The following GATM variants were observed in gnomAD, a reference collection of about 807,000 sequenced individuals.
GATM encodes glycine amidinotransferase, mitochondrial.
In GATM, 23 loss-of-function variants were observed where a neutral mutation model predicts 54.2. That is an observed-to-expected ratio of 0.42 (90% CI 0.31 to 0.60). The LOEUF (loss-of-function observed/expected upper bound fraction) is 0.60, where lower values mean the gene tolerates loss of function less well. GATM is among the 20% of genes least tolerant of loss of function. GATM has a pLI of 0.14. For synonymous variants in GATM, 168 were observed against 183.1 expected, an observed-to-expected ratio of 0.92 and a Z score of 0.67; for missense variants, 401 against 544.9, an observed-to-expected ratio of 0.74 and a Z score of 2.63.
At chr15:45,363,174 C>T (rs1280306770) in intron 8 of GATM, among the ~76,000 whole-genome samples, 3 of 151,910 alleles carry the variant, frequency 2.0e-5, no homozygotes, top group African/African-American at 7.3e-5. Flanking sequence ...CAGGAGGCTG[C>T]GGCAGGAGAA....
At chr15:45,382,566 G>C (rs543430383), upstream of GATM, among the ~76,000 whole-genome samples, 1 of 152,052 alleles carries the variant, frequency 6.6e-6, no homozygotes, top group Non-Finnish European at 1.5e-5. Flanking sequence ...GGAGGTTGAG[G>C]CAGGAGAATT....
At chr15:45,377,304 G>C in intron 1 of GATM, 1 of 450,624 alleles carries the variant, frequency 2.2e-6, no homozygotes, top group Non-Finnish European at 4.4e-6. Flanking sequence ...GAAAAGTTGG[G>C]AACATTTGTA....
At chr15:45,371,426 A>T (rs1889542632) in intron 2 of GATM, among the ~76,000 whole-genome samples, 1 of 152,246 alleles carries the variant, frequency 6.6e-6, no homozygotes, top group Non-Finnish European at 1.5e-5. Context: ...ACTAGTCCTG[A>T]TCATGTCAGA....
intron 1 of GATM, chr15:45,377,454 T>TA (rs1408694139): frequency 2.8e-6 from 1 of 357,812 alleles, no homozygotes; most frequent in Non-Finnish European, 5.4e-6. Flanking sequence ...CACAGTACCC[T>TA]AGCCAAGGTC....
rs1460902723 is a variant in GATM, at chr15:45,366,092, A to G, written c.932T>C (p.Ile311Thr). Reference protein sequence around the residue: ...PMHIDATFNIIGPGIVLSNPD... With the variant: ...PMHIDATFNITGPGIVLSNPD... Reference sequence around the variant, plus strand: ...GTTGGAAAGCACAATACCAGGTCCAATGATGTTGAAGGTAGCATCAATATG... The same window carrying G: ...GTTGGAAAGCACAATACCAGGTCCAGTGATGTTGAAGGTAGCATCAATATG... Residue 311 changes from isoleucine (I) to threonine (T), a missense_variant, in exon 6 of 9, where the codon ATT becomes ACT. Transcript: ENST00000396659. 18 of 1,614,176 alleles carry G rather than the reference A, an allele frequency of 1.1e-5. No individual in the cohort carries two copies. Among genetic ancestry groups the G allele is most frequent in the Admixed American group, 1.7e-5 (1 of 60,022 alleles).
intron 8 of GATM, 144 bp downstream of exon 8, chr15:45,363,756 T>G: frequency 1.5e-6 from 1 of 657,916 alleles, no homozygotes; most frequent in Admixed American, 2.3e-5. Context: ...AATACTGACT[T>G]TCTGTGAAAT....
At chr15:45,374,797 A>C (rs1001237748) in intron 2 of GATM, among the ~76,000 whole-genome samples, 5 of 152,242 alleles carry the variant, frequency 3.3e-5, no homozygotes, top group Admixed American at 6.5e-5. Flanking sequence ...GAGCCCTGGT[A>C]CATGGTAGGC....
chr15:45,393,087 T>A (rs1736829505), intron 3 of GATM, among the ~76,000 whole-genome samples: 1 of 152,244 alleles, frequency 6.6e-6, no homozygotes, highest in African/African-American at 2.4e-5. Flanking sequence ...ATTGTGGTAT[T>A]CCCAGCATAT....
intron 2 of GATM, among the ~76,000 whole-genome samples, chr15:45,375,555 G>C (rs540408802): frequency 6.6e-6 from 1 of 152,266 alleles, no homozygotes; most frequent in Admixed American, 6.5e-5. Context: ...ACAGTGAGTA[G>C]TCTAGCTTAG....
Position 45,363,945 on chromosome 15 carries a change from C to T in GATM, c.1114G>A (p.Val372Met). The change falls in exon 8 of 9, where the codon GTG (valine) becomes ATG (methionine). Residue 372 changes from valine to methionine, a missense_variant. This residue lies in a region of GATM where 321 missense variants were observed against 457.5 expected (regional missense o/e 0.70). Transcript: ENST00000396659. ...VLMLDEKRVM[V>M]DANEVPIQKM... The stretch of plus-strand genomic sequence containing the variant: ...TGAATTGGAACTTCATTGGCATCCA[C>T]CATAACACGTTTTTCATCTAGCATT... 6.2e-7 allele frequency: 1 copy of T among 1,613,570 alleles called. No individual in the cohort carries two copies. Among genetic ancestry groups the T allele is most frequent in the Non-Finnish European group, 8.5e-7 (1 of 1,179,752 alleles).
intron 2 of GATM, among the ~76,000 whole-genome samples, chr15:45,376,188 C>T (rs1889629282): frequency 1.3e-5 from 2 of 152,158 alleles, no homozygotes; most frequent in Non-Finnish European, 2.9e-5. Flanking sequence ...GTGGCAATAT[C>T]CCGTAAGGAG....
At chr15:45,377,416 T>C (rs17535381) in intron 1 of GATM, 43,169 of 380,458 alleles carry the variant, frequency 0.11, 2,791 homozygotes, top group Middle Eastern at 0.19. Flanking sequence ...AGTGAGCAAC[T>C]GCCATCTGCT....
At chr15:45,376,244 A>G (rs961192087) in intron 2 of GATM, among the ~76,000 whole-genome samples, 2 of 152,212 alleles carry the variant, frequency 1.3e-5, no homozygotes, top group African/African-American at 4.8e-5. Context: ...GATCCGGACC[A>G]GAGAGGAGGT....
intron 3 of GATM, among the ~76,000 whole-genome samples, chr15:45,390,675 T>C (rs1265542420): frequency 6.6e-6 from 1 of 152,122 alleles, no homozygotes; most frequent in Non-Finnish European, 1.5e-5. Flanking sequence ...GTCTGTCCTT[T>C]AGGATTTAAG....
In GATM at chr15:45,376,776, C is replaced by T; in HGVS notation, c.113G>A (p.Ser38Asn). 1 of 1,614,148 alleles carries T rather than the reference C, an allele frequency of 6.2e-7. No individual in the cohort carries two copies. The highest frequency in any genetic ancestry group is 8.5e-7 in the Non-Finnish European group (1 of 1,180,026). ...LTGWVQRTFQSTQAATASSRN... is the reference protein window; with the variant it reads ...LTGWVQRTFQNTQAATASSRN... ...GGAGGAAGCCGTAGCTGCCTGGGTGCTCTGGAAAGTTCGCTGCACCCATCC... is the reference window on the plus strand; with the variant it reads ...GGAGGAAGCCGTAGCTGCCTGGGTGTTCTGGAAAGTTCGCTGCACCCATCC... Residue 38 changes from serine (S) to asparagine (N), a missense_variant, in exon 2 of 9, where the codon AGC (serine) becomes AAC (asparagine). Transcript: ENST00000396659.
upstream of GATM, chr15:45,378,751 T>TCCGGAC: frequency 3.0e-6 from 1 of 334,874 alleles, no homozygotes; most frequent in Non-Finnish European, 5.4e-6. Flanking sequence ...CTGTTGCACG[T>TCCGGAC]CCGGACCCGG....
chr15:45,370,221 C>G (rs1889517136), intron 2 of GATM, among the ~76,000 whole-genome samples: 1 of 151,760 alleles, frequency 6.6e-6, no homozygotes, highest in Non-Finnish European at 1.5e-5. Context: ...ACTAAAAATT[C>G]AAAAATTAGC....
intron 2 of GATM, 109 bp from the exon 3 acceptor site, chr15:45,369,630 C>T (rs1889507033): frequency 1.1e-6 from 1 of 913,776 alleles, no homozygotes; most frequent in Admixed American, 2.0e-5. Context: ...ATTGAGACTC[C>T]AACCACTCCA....
Position 45,364,806 on chromosome 15 carries a change from T to A in GATM, c.1033A>T (p.Ile345Phe). Residue 345 changes from isoleucine (I) to phenylalanine (F), a missense_variant, in exon 7 of 9, where the codon ATC (isoleucine) becomes TTC (phenylalanine). Physicochemically the swap from Ile to Phe is conservative, Grantham distance 21. This residue lies in a region of GATM where 321 missense variants were observed against 457.5 expected (regional missense o/e 0.70). Transcript: ENST00000396659. Reference sequence around the variant, plus strand: ...ATGAAAGTAAACATACCGTCTGGGATGATTGGTGTTGGAGGAGTAATGATA... The same window carrying A: ...ATGAAAGTAAACATACCGTCTGGGAAGATTGGTGTTGGAGGAGTAATGATA... ...WTIITPPTPI[I>F]PDDHPLWMSS... 1 of 1,613,468 alleles carries A rather than the reference T, an allele frequency of 6.2e-7. No individual in the cohort carries two copies. Among genetic ancestry groups the A allele is most frequent in the Non-Finnish European group, 8.5e-7 (1 of 1,179,430 alleles).
Sources: allele counts gnomAD v4.1 joint callset (sites outside exome capture counted in the v4.1 genomes callset), GRCh38; gene constraint gnomAD v4.1.1; regional missense constraint gnomAD v4.1.1; transcripts MANE v1.5; gene names NCBI Gene and HGNC (gene_info 2026-07-23, HGNC 2026-07-21).